Variants in TOX2 observed in about 807,000 individuals in gnomAD.
The protein encoded by TOX2 is TOX high mobility group box family member 2.
Under a neutral mutation model 47.4 loss-of-function variants are expected in TOX2, and 15 were observed. The ratio of observed to expected loss-of-function variants is 0.32; its 90% CI spans 0.21 to 0.49. The LOEUF is 0.49. Among genes scored for constraint, TOX2 ranks in the 20% least tolerant of loss-of-function variants. The pLI, the probability that TOX2 is intolerant of heterozygous loss-of-function variation, is 0.99. For synonymous variants in TOX2, 290 were observed against 296.6 expected, an observed-to-expected ratio of 0.98 and a Z score of 0.23; for missense variants, 622 against 673.1, an observed-to-expected ratio of 0.92 and a Z score of 0.84.
rs754594438 is a variant in TOX2 at position 44,064,862 on chromosome 20, C to A, written c.960+5C>A. The A allele has an allele frequency of 3.3e-5, 54 of 1,613,506 alleles. No homozygotes were observed. In the South Asian group the frequency reaches 5.6e-4, roughly 17 times the overall value. ...CGGGCTAGCCTCGTCTCCAAGGTAA[C>A]ACCCGGAATCTCCAGGCACAGCCCT... On this transcript the variant is annotated splice_donor_5th_base_variant and intron_variant, in intron 6 of 8. Transcript: ENST00000341197.
intron 2 of TOX2, among the ~76,000 whole-genome samples, chr20:44,002,620 G>T (rs2070603844): frequency 1.3e-5 from 2 of 152,156 alleles, no homozygotes; most frequent in Non-Finnish European, 2.9e-5. Context: ...CTTTTACAAA[G>T]AAAAGAGGTT....
chr20:43,924,832 A>T (rs1020983283), intron 1 of TOX2, among the ~76,000 whole-genome samples: 3 of 152,256 alleles, frequency 2.0e-5, no homozygotes, highest in Admixed American at 6.5e-5. Context: ...AGAAGAGGAA[A>T]GACACAAGTG....
intron 1 of TOX2, among the ~76,000 whole-genome samples, chr20:43,925,311 G>A (rs1236439959): frequency 1.3e-5 from 2 of 152,122 alleles, no homozygotes; most frequent in Non-Finnish European, 2.9e-5. Flanking sequence ...GGTGAAAGCC[G>A]TGACTGCGTG....
chr20:43,923,764 G>A (rs2069136216), intron 1 of TOX2, among the ~76,000 whole-genome samples: 1 of 152,204 alleles, frequency 6.6e-6, no homozygotes, highest in Non-Finnish European at 1.5e-5. Flanking sequence ...ATGGAGAGTT[G>A]CTCGTGGAAG....
intron 3 of TOX2, among the ~76,000 whole-genome samples, chr20:44,033,414 C>A (rs1182067424): frequency 1.3e-5 from 2 of 152,140 alleles, no homozygotes; most frequent in Admixed American, 6.5e-5. Flanking sequence ...CCACCAGATG[C>A]CCATGTCCTG....
chr20:43,982,572 A>G (rs1412722423), intron 2 of TOX2, among the ~76,000 whole-genome samples: 1 of 151,990 alleles, frequency 6.6e-6, no homozygotes, highest in Non-Finnish European at 1.5e-5. Flanking sequence ...TGAGCAGGCC[A>G]TGGCATTGGC....
intron 3 of TOX2, among the ~76,000 whole-genome samples, chr20:44,012,984 G>A (rs114484333): frequency 3.3e-5 from 5 of 152,344 alleles, no homozygotes; most frequent in African/African-American, 1.2e-4. Flanking sequence ...CCATGCTGGT[G>A]CCCTGGACTA....
rs373250810 is a variant in TOX2, at chr20:43,920,058, C to T, written c.99+5068C>T. Among the ~76,000 whole-genome samples the T allele has an allele frequency of 4.7e-4, 72 of 152,312 alleles. No individual in the cohort carries two copies. The East Asian group carries it at 7.3e-3, about 15-fold the overall frequency. On this transcript the variant is annotated intron_variant, in intron 1 of 8. Coordinates refer to ENST00000341197, the MANE Select transcript of TOX2 (RefSeq NM_001098797.2). The stretch of plus-strand genomic sequence containing the variant: ...AGGAATTTGCATGTCTAATGAGCTA[C>T]CCAGGTGTTGTTACTGCTGATCCAA...
chr20:44,053,501 C>CAT (rs1042812799), intron 4 of TOX2, among the ~76,000 whole-genome samples: 1 of 145,046 alleles, frequency 6.9e-6, no homozygotes, highest in Non-Finnish European at 1.5e-5. Flanking sequence ...TATATACAGA[C>CAT]ATATATATAC....
intron 1 of TOX2, among the ~76,000 whole-genome samples, chr20:43,921,017 C>A (rs942879540): frequency 1.3e-5 from 2 of 152,188 alleles, no homozygotes; most frequent in African/African-American, 4.8e-5. Flanking sequence ...GCAGTTGTAA[C>A]CTGTGGCTTG....
chr20:43,970,339 G>C (rs779887236), intron 1 of TOX2, among the ~76,000 whole-genome samples: 10 of 152,206 alleles, frequency 6.6e-5, no homozygotes, highest in Middle Eastern at 3.2e-3. Context: ...CTCAGTACCA[G>C]GAATATTCAT....
intron 3 of TOX2, among the ~76,000 whole-genome samples, chr20:44,009,122 G>A (rs2070738518): frequency 6.6e-6 from 1 of 152,192 alleles, no homozygotes; most frequent in African/African-American, 2.4e-5. Context: ...TGACTGTTCA[G>A]AAGCCACAGT....
intron 8 of TOX2, 51 bp from the exon 9 acceptor site, chr20:44,068,599 T>C: frequency 6.4e-7 from 1 of 1,561,068 alleles, no homozygotes; most frequent in Non-Finnish European, 8.7e-7. Context: ...GGTGCTCCCC[T>C]GGCCCGGAGA....
intron 3 of TOX2, among the ~76,000 whole-genome samples, chr20:44,041,428 C>T (rs552015183): frequency 5.3e-5 from 8 of 152,264 alleles, no homozygotes; most frequent in South Asian, 2.1e-4. Context: ...TATCTTTCAC[C>T]GTGGGGAAGT....
Position 44,065,918 on chromosome 20 carries a change from CCCGCCG to C in TOX2, c.1173_1178del (p.Pro393_Pro394del). ...CTCTGCTGCCAGGCCTCAGTGCGTC[CCCGCCG>C]CCGCCACCCTCCTTCCCGCTCAGCC... On this transcript the variant is annotated inframe_deletion, in exon 7 of 9. Transcript: ENST00000341197. 1 of 1,610,944 alleles carries C rather than the reference CCCGCCG, an allele frequency of 6.2e-7. No homozygotes were observed. The highest frequency in any genetic ancestry group is 8.5e-7 in the Non-Finnish European group (1 of 1,178,226).
At chr20:43,927,116 C>A (rs76623859) in intron 1 of TOX2, among the ~76,000 whole-genome samples, 16,704 of 152,192 alleles carry the variant, frequency 0.11, 1,056 homozygotes, top group East Asian at 0.22. Flanking sequence ...TCTAGGAAAA[C>A]CCAAATTATG....
intron 3 of TOX2, among the ~76,000 whole-genome samples, chr20:44,046,543 C>T (rs983098574): frequency 1.3e-5 from 2 of 152,188 alleles, no homozygotes; most frequent in Admixed American, 1.3e-4. Context: ...TAATGCCCAA[C>T]CAACTGCCTA....
At chr20:43,953,518 A>G (rs527313264) in intron 1 of TOX2, among the ~76,000 whole-genome samples, 97 of 152,172 alleles carry the variant, frequency 6.4e-4, no homozygotes, top group South Asian at 3.9e-3. Flanking sequence ...TGAGCCTCTC[A>G]TTGCTTGGGC....
At chr20:43,987,912 CTTT>C (rs762084312) in intron 2 of TOX2, among the ~76,000 whole-genome samples, 2 of 69,978 alleles carry the variant, frequency 2.9e-5, no homozygotes, top group East Asian at 4.3e-4. Context: ...ATATCAACAT[CTTT>C]TTTTTTTTTT....
Sources: allele counts gnomAD v4.1 joint callset (sites outside exome capture counted in the v4.1 genomes callset), GRCh38; gene constraint gnomAD v4.1.1; transcripts MANE v1.5; gene names NCBI Gene and HGNC (gene_info 2026-07-23, HGNC 2026-07-21).